Variants in FTO observed in about 807,000 individuals in gnomAD.
FTO encodes the protein FTO alpha-ketoglutarate dependent dioxygenase.
In FTO, 47 loss-of-function variants were observed where a neutral mutation model predicts 63.9. That is an observed-to-expected ratio of 0.74 (90% CI 0.58 to 0.94). The LOEUF (loss-of-function observed/expected upper bound fraction) is 0.94. Ranked by LOEUF, FTO falls within the 40% of genes least tolerant of loss-of-function variation. The probability of loss-of-function intolerance (pLI) is 0.00; values close to 1 mark genes in which losing one functional copy is unlikely to be tolerated. For synonymous variants in FTO, 207 were observed against 224.4 expected, an observed-to-expected ratio of 0.92 and a Z score of 0.69; for missense variants, 562 against 618.1, an observed-to-expected ratio of 0.91 and a Z score of 0.96.
At chr16:53,797,444 C>T (rs1398926917) in intron 1 of FTO, among the ~76,000 whole-genome samples, 1 of 152,208 alleles carries the variant, frequency 6.6e-6, no homozygotes, top group East Asian at 1.9e-4. Flanking sequence ...TTCCGTCACT[C>T]AGCATTGTGA....
At chr16:53,968,682 A>G (rs2083248487) in intron 8 of FTO, among the ~76,000 whole-genome samples, 1 of 152,230 alleles carries the variant, frequency 6.6e-6, no homozygotes, top group Non-Finnish European at 1.5e-5. Context: ...TTGTACCAAC[A>G]CATGTGTGTG....
intron 1 of FTO, among the ~76,000 whole-genome samples, chr16:53,760,599 A>T (rs1418022305): frequency 7.0e-6 from 1 of 143,764 alleles, no homozygotes; most frequent in Non-Finnish European, 1.5e-5. Context: ...TCATCTTTTA[A>T]CATCTCTCAT....
chr16:53,857,156 G>A (rs960694951), intron 4 of FTO, among the ~76,000 whole-genome samples: 2 of 152,032 alleles, frequency 1.3e-5, no homozygotes, highest in African/African-American at 4.8e-5. Context: ...TATTGTAGGG[G>A]TTTAGTATAC....
chr16:53,960,816 T>C (rs985790175), intron 8 of FTO, among the ~76,000 whole-genome samples: 2 of 152,140 alleles, frequency 1.3e-5, no homozygotes, highest in African/African-American at 4.8e-5. Context: ...AATGGCTGAT[T>C]AACCAGCCCC....
At chr16:53,706,409 T>G (rs995589932) in intron 1 of FTO, among the ~76,000 whole-genome samples, 2 of 152,172 alleles carry the variant, frequency 1.3e-5, no homozygotes, top group African/African-American at 4.8e-5. Flanking sequence ...CTAAGTTCCC[T>G]CTCGTTAATT....
At chr16:53,879,698 A>AG in intron 5 of FTO, 146 bp from the exon 6 acceptor site, 1 of 753,104 alleles carries the variant, frequency 1.3e-6, no homozygotes, top group Non-Finnish European at 2.1e-6. Context: ...AATTAAAAAA[A>AG]AAAAAAAAAA....
At chr16:53,708,419 C>T (rs2075680363) in intron 1 of FTO, among the ~76,000 whole-genome samples, 1 of 151,580 alleles carries the variant, frequency 6.6e-6, no homozygotes, top group Admixed American at 6.6e-5. Context: ...TTTATCTGTT[C>T]ACCAGTTGAT....
At chr16:53,940,586 G>A (rs561328545) in intron 8 of FTO, among the ~76,000 whole-genome samples, 1 of 152,284 alleles carries the variant, frequency 6.6e-6, no homozygotes, top group East Asian at 1.9e-4. Flanking sequence ...TGGAAACTCG[G>A]TACCTTTATA....
intron 1 of FTO, among the ~76,000 whole-genome samples, chr16:53,803,081 G>A (rs2078267688): frequency 1.3e-5 from 2 of 152,140 alleles, no homozygotes; most frequent in Admixed American, 6.5e-5. Flanking sequence ...TTGCCTTGTA[G>A]TATTCTCTTA....
chr16:53,987,861 A>T (rs1392419752), intron 8 of FTO, among the ~76,000 whole-genome samples: 1 of 152,192 alleles, frequency 6.6e-6, no homozygotes, highest in Non-Finnish European at 1.5e-5. Context: ...CTCAAGGGAG[A>T]TAATGAATAT....
chr16:53,753,260 A>AC (rs1476178026), intron 1 of FTO, among the ~76,000 whole-genome samples: 1 of 151,954 alleles, frequency 6.6e-6, no homozygotes, highest in East Asian at 1.9e-4. Flanking sequence ...CTCAAAAAAA[A>AC]AAAAAAAACA....
chr16:53,708,906 T>C (rs1489691636), intron 1 of FTO, among the ~76,000 whole-genome samples: 1 of 152,232 alleles, frequency 6.6e-6, no homozygotes, highest in African/African-American at 2.4e-5. Context: ...GAGTTCTTTA[T>C]ATTTTCTAGA....
chr16:53,923,812 G>C (rs1281767960), intron 7 of FTO, among the ~76,000 whole-genome samples: 2 of 151,962 alleles, frequency 1.3e-5, no homozygotes, highest in Non-Finnish European at 2.9e-5. Flanking sequence ...TAAACGTATG[G>C]GGCAGGCCAT....
At chr16:53,904,592 A>G (rs1196870800) in intron 7 of FTO, among the ~76,000 whole-genome samples, 1 of 152,160 alleles carries the variant, frequency 6.6e-6, no homozygotes, top group African/African-American at 2.4e-5. Flanking sequence ...TCCACACGGG[A>G]TGTAGGTGGC....
intron 6 of FTO, among the ~76,000 whole-genome samples, 158 bp downstream of exon 6, chr16:53,880,145 C>T (rs551722942): frequency 3.3e-5 from 5 of 151,956 alleles, no homozygotes; most frequent in South Asian, 2.1e-4. Context: ...CAGGTGCATG[C>T]GCCACCACTC....
At chr16:53,779,213 A>C (rs2077530860) in intron 1 of FTO, among the ~76,000 whole-genome samples, 2 of 152,116 alleles carry the variant, frequency 1.3e-5, no homozygotes, top group Admixed American at 1.3e-4. Flanking sequence ...CAATTAACTG[A>C]TCATGTAATA....
At chr16:53,719,507 G>T (rs1019686250) in intron 1 of FTO, among the ~76,000 whole-genome samples, 1 of 151,214 alleles carries the variant, frequency 6.6e-6, no homozygotes. Flanking sequence ...GGTTTACTAG[G>T]GTAGAATTGT....
At chr16:53,966,742 G>C (rs1484978785) in intron 8 of FTO, among the ~76,000 whole-genome samples, 1 of 152,170 alleles carries the variant, frequency 6.6e-6, no homozygotes, top group Non-Finnish European at 1.5e-5. Flanking sequence ...TCATATACAA[G>C]TGATGCAATC....
intron 1 of FTO, among the ~76,000 whole-genome samples, chr16:53,726,510 G>T (rs889421234): frequency 3.3e-5 from 5 of 152,196 alleles, no homozygotes; most frequent in Admixed American, 2.6e-4. Context: ...AGCAGAGCAT[G>T]CTTAAAACCA....
Sources: allele counts gnomAD v4.1 joint callset (sites outside exome capture counted in the v4.1 genomes callset), GRCh38; gene constraint gnomAD v4.1.1; transcripts MANE v1.5; gene names NCBI Gene and HGNC (gene_info 2026-07-23, HGNC 2026-07-21).